CFAP210: variants seen among roughly 807,000 people sequenced by gnomAD.
The protein encoded by CFAP210 is cilia and flagella associated protein 210.
At chr2:169,650,096 C>T in the CFAP210 span, among the ~76,000 whole-genome samples, 1 of 152,266 alleles carries the variant, frequency 6.6e-6, no homozygotes, top group Non-Finnish European at 1.5e-5. Flanking sequence ...TCAGATGGTT[C>T]TGAAACAGAA....
At chr2:169,678,491 T>C in the CFAP210 span, among the ~76,000 whole-genome samples, 2 of 151,856 alleles carry the variant, frequency 1.3e-5, no homozygotes, top group South Asian at 2.1e-4. Flanking sequence ...CCAATAAAAA[T>C]TCCAGCTGGC....
chr2:169,694,245 G>A, the CFAP210 span: 3 of 1,613,674 alleles, frequency 1.9e-6, no homozygotes, highest in Admixed American at 5.0e-5. Context: ...TCCCTGGATA[G>A]GTCAGTTTAG....
the CFAP210 span, among the ~76,000 whole-genome samples, chr2:169,678,053 G>A: frequency 6.6e-6 from 1 of 152,188 alleles, no homozygotes; most frequent in African/African-American, 2.4e-5. Flanking sequence ...CAGAAATTAA[G>A]ACTTAGGCTG....
chr2:169,683,774 T>C, the CFAP210 span, among the ~76,000 whole-genome samples: 1 of 152,152 alleles, frequency 6.6e-6, no homozygotes, highest in African/African-American at 2.4e-5. Flanking sequence ...GTTCACAGGA[T>C]GTTTTATTCA....
chr2:169,653,432 G>A, the CFAP210 span, among the ~76,000 whole-genome samples: 1 of 151,954 alleles, frequency 6.6e-6, no homozygotes, highest in Non-Finnish European at 1.5e-5. Flanking sequence ...TAAAGACTAA[G>A]TGAGATGTGA....
the CFAP210 span, among the ~76,000 whole-genome samples, chr2:169,657,155 A>C: frequency 2.0e-5 from 3 of 152,252 alleles, no homozygotes; most frequent in Admixed American, 1.3e-4. Context: ...AGATTCTTAG[A>C]CATTAGAGCA....
the CFAP210 span, among the ~76,000 whole-genome samples, chr2:169,661,558 C>A: frequency 6.6e-6 from 1 of 152,130 alleles, no homozygotes; most frequent in Non-Finnish European, 1.5e-5. Context: ...TGGTGAACTG[C>A]GACAAAAATA....
chr2:169,656,314 GGAA>G, the CFAP210 span, among the ~76,000 whole-genome samples: 5 of 150,576 alleles, frequency 3.3e-5, no homozygotes, highest in Admixed American at 6.6e-5. Context: ...AGGAAGAAGA[GGAA>G]GAAGAAGAAG....
At chr2:169,654,262 T>G in the CFAP210 span, 1 of 1,471,862 alleles carries the variant, frequency 6.8e-7, no homozygotes, top group African/African-American at 1.4e-5. Context: ...GAAAAATATC[T>G]TTCAACATAT....
At chr2:169,694,019 C>T in the CFAP210 span, among the ~76,000 whole-genome samples, 1 of 152,086 alleles carries the variant, frequency 6.6e-6, no homozygotes, top group Non-Finnish European at 1.5e-5. Flanking sequence ...TTTTCTCCAC[C>T]CCTATTTCTG....
At chr2:169,675,082 T>C in the CFAP210 span, 1 of 1,371,610 alleles carries the variant, frequency 7.3e-7, no homozygotes, top group Non-Finnish European at 9.5e-7. Flanking sequence ...CATTTTTCAA[T>C]TTAATTTTAC....
the CFAP210 span, among the ~76,000 whole-genome samples, chr2:169,667,826 T>C: frequency 1.3e-5 from 2 of 152,168 alleles, no homozygotes; most frequent in African/African-American, 4.8e-5. Flanking sequence ...CTTAGCTTTG[T>C]AGTTCCATTT....
At chr2:169,679,219 G>T in the CFAP210 span, among the ~76,000 whole-genome samples, 3 of 152,204 alleles carry the variant, frequency 2.0e-5, no homozygotes, top group Admixed American at 2.0e-4. Context: ...CAAAAAATAT[G>T]TATTTCTTTC....
At chr2:169,647,160 G>A in the CFAP210 span, among the ~76,000 whole-genome samples, 1 of 150,510 alleles carries the variant, frequency 6.6e-6, no homozygotes. Flanking sequence ...GTTTTAAAAA[G>A]TAGAAAATGA....
At chr2:169,660,503 T>C in the CFAP210 span, among the ~76,000 whole-genome samples, 1 of 151,422 alleles carries the variant, frequency 6.6e-6, no homozygotes, top group East Asian at 1.9e-4. Context: ...CTACTAATTT[T>C]GCACTTGGTT....
chr2:169,649,367 G>A, the CFAP210 span: 3 of 1,599,548 alleles, frequency 1.9e-6, no homozygotes, highest in Non-Finnish European at 2.6e-6. Context: ...AAAGGCAAAG[G>A]AAACATATAA....
At chr2:169,680,847 T>C in the CFAP210 span, among the ~76,000 whole-genome samples, 1 of 152,230 alleles carries the variant, frequency 6.6e-6, no homozygotes, top group Non-Finnish European at 1.5e-5. Flanking sequence ...GTCCAATTCA[T>C]TGTATATCAC....
At chr2:169,645,697 C>G in the CFAP210 span, 13 of 625,812 alleles carry the variant, frequency 2.1e-5, no homozygotes, top group Non-Finnish European at 3.2e-5. Context: ...TTTATATATA[C>G]CCAAAAGAAA....
At chr2:169,694,360 G>T in the CFAP210 span, 16 of 1,604,926 alleles carry the variant, frequency 1.0e-5, 1 homozygote, top group South Asian at 1.8e-4. Context: ...TGACTGTGGC[G>T]CCAAGCGCCG....
Sources: gnomAD v4.1 joint callset for allele counts (sites outside exome capture counted in the v4.1 genomes callset) on GRCh38, gnomAD v4.1.1 for gene constraint, MANE v1.5 for transcripts, NCBI Gene and HGNC (gene_info 2026-07-23, HGNC 2026-07-21) for gene names.